The following FRK variants were observed in gnomAD, a reference collection of about 807,000 sequenced individuals.
FRK encodes the protein fyn related Src family tyrosine kinase.
A neutral mutation model predicts 56.4 loss-of-function variants in FRK; 51 were observed. The ratio of observed to expected loss-of-function variants is 0.90; its 90% CI spans 0.72 to 1.14. The LOEUF is 1.14. FRK is among the 50% of genes most tolerant of loss of function. The pLI, the probability that FRK is intolerant of heterozygous loss-of-function variation, is 0.00. For missense variants in FRK, 570 were observed against 601.4 expected (o/e 0.95, Z 0.55); for synonymous variants, 245 against 217.9 (o/e 1.12, Z -1.10).
the FRK span, among the ~76,000 whole-genome samples, chr6:116,097,596 G>T: frequency 6.6e-6 from 1 of 152,072 alleles, no homozygotes; most frequent in Non-Finnish European, 1.5e-5. Context: ...TCACACCTAA[G>T]GTTAAAATTG....
intron 1 of FRK, among the ~76,000 whole-genome samples, chr6:116,007,619 A>G (rs964286055): frequency 1.3e-5 from 2 of 152,220 alleles, no homozygotes; most frequent in African/African-American, 2.4e-5. Context: ...GAGCATTTTA[A>G]CAGTGTCTTA....
intron 2 of FRK, among the ~76,000 whole-genome samples, chr6:115,977,386 A>G (rs1458961936): frequency 6.6e-6 from 1 of 152,158 alleles, no homozygotes; most frequent in East Asian, 1.9e-4. Flanking sequence ...AACACAGCTG[A>G]TTCATTTTAT....
chr6:115,970,502 T>C (rs1015233838), intron 2 of FRK, among the ~76,000 whole-genome samples: 2 of 152,194 alleles, frequency 1.3e-5, no homozygotes, highest in African/African-American at 4.8e-5. Context: ...AGCTAAAAAA[T>C]TGTCATCTAG....
chr6:116,060,669 T>C lies in FRK; in HGVS notation c.-358A>G, dbSNP rs1777594837. ...TTTAGACAAATATCTGAGAACAGAA[T>C]GGTGCCATCTTGCCTTTTGTCCCAA... On this transcript the variant is annotated 5_prime_UTR_variant, in exon 1 of 8. Transcript: ENST00000606080. 1 of 182,206 alleles carries C rather than the reference T, an allele frequency of 5.5e-6. No individual in the cohort carries two copies. The highest frequency in any genetic ancestry group is 1.4e-4 in the South Asian group (1 of 7,256). The allele number at this position is 182,206 out of a possible 1,614,324, so 11.3% of individuals were successfully genotyped here. A position where few individuals can be genotyped will look rare whatever the true frequency, so the allele number is the denominator to read the frequency against.
At chr6:116,001,449 C>G (rs1031903302) in intron 2 of FRK, among the ~76,000 whole-genome samples, 2 of 152,074 alleles carry the variant, frequency 1.3e-5, no homozygotes, top group Admixed American at 6.5e-5. Flanking sequence ...GCTAACTGGT[C>G]CTAAATTTAA....
chr6:116,068,990 C>T, the FRK span, among the ~76,000 whole-genome samples: 1 of 152,132 alleles, frequency 6.6e-6, no homozygotes, highest in Non-Finnish European at 1.5e-5. Context: ...TCCAAAAAGA[C>T]TGAATATTCT....
chr6:116,094,990 G>GGTCT, the FRK span, among the ~76,000 whole-genome samples: 1 of 152,212 alleles, frequency 6.6e-6, no homozygotes, highest in African/African-American at 2.4e-5. Context: ...GATAATTGAA[G>GGTCT]GTCTTCTCTA....
intron 1 of FRK, among the ~76,000 whole-genome samples, chr6:116,057,710 C>G (rs1247148944): frequency 6.6e-6 from 1 of 151,962 alleles, no homozygotes; most frequent in East Asian, 1.9e-4. Flanking sequence ...TGCTGAGAAC[C>G]AATTCCAAGA....
intron 1 of FRK, chr6:116,038,985 A>C (rs1776604232): frequency 1.4e-6 from 1 of 713,836 alleles, no homozygotes; most frequent in African/African-American, 1.7e-5. Context: ...TACTTGGGAG[A>C]TCAGCCCTGG....
At chr6:116,093,155 A>C in the FRK span, among the ~76,000 whole-genome samples, 3 of 152,126 alleles carry the variant, frequency 2.0e-5, no homozygotes, top group Non-Finnish European at 4.4e-5. Flanking sequence ...GCTTACCCCC[A>C]TAGCCTAGCC....
intron 2 of FRK, among the ~76,000 whole-genome samples, chr6:115,994,713 C>T (rs191450327): frequency 2.6e-5 from 4 of 151,802 alleles, no homozygotes; most frequent in East Asian, 1.9e-4. Context: ...CTTTGGGAGG[C>T]GATTAAATTT....
intron 2 of FRK, among the ~76,000 whole-genome samples, chr6:115,975,436 T>C (rs773912930): frequency 3.2e-4 from 49 of 152,182 alleles, no homozygotes; most frequent in Non-Finnish European, 6.8e-4. Context: ...AAATACAGAA[T>C]ACGAACTGTT....
At chr6:116,062,539 T>G (rs1010520925), upstream of FRK, among the ~76,000 whole-genome samples, 2 of 151,748 alleles carry the variant, frequency 1.3e-5, no homozygotes, top group African/African-American at 4.8e-5. Flanking sequence ...AATTTGTAAG[T>G]GGGGTTTTAG....
At chr6:116,076,589 G>A in the FRK span, among the ~76,000 whole-genome samples, 10 of 152,186 alleles carry the variant, frequency 6.6e-5, no homozygotes, top group Non-Finnish European at 1.5e-4. Flanking sequence ...AATTGTTCCT[G>A]ATTGGTCAAT....
At chr6:116,065,799 T>C (rs984912578), upstream of FRK, among the ~76,000 whole-genome samples, 3 of 152,228 alleles carry the variant, frequency 2.0e-5, no homozygotes, top group Non-Finnish European at 2.9e-5. Context: ...TAACACTTAA[T>C]GGACACTCAA....
In FRK at chr6:115,957,340, G is replaced by GT. The variant is rs372825541; in HGVS notation, c.800-731dup. 8.9e-4 allele frequency among the ~76,000 whole-genome samples: 136 copies of GT among 152,272 alleles called. 2 individuals are homozygous for GT. The highest frequency in any genetic ancestry group is 3.4e-3 in the Middle Eastern group (1 of 294). Reference sequence around the variant, plus strand: ...GATCCACTCTGACTCATCATGCAAGGTGTCAAGTAGTTGACATCAAATAAA... The same window carrying GT: ...GATCCACTCTGACTCATCATGCAAGGTTGTCAAGTAGTTGACATCAAATAAA... On this transcript the variant is annotated intron_variant, in intron 4 of 7. Transcript: ENST00000606080.
intron 2 of FRK, among the ~76,000 whole-genome samples, chr6:115,969,388 A>G (rs1773715221): frequency 6.6e-6 from 1 of 152,142 alleles, no homozygotes. Flanking sequence ...TCCAAGGGTA[A>G]GTCCTGTAGG....
chr6:115,990,439 G>T (rs768298082), intron 2 of FRK, among the ~76,000 whole-genome samples: 9 of 151,736 alleles, frequency 5.9e-5, no homozygotes, highest in Admixed American at 5.3e-4. Context: ...AATCCATCTT[G>T]GGTTAATTTT....
intron 1 of FRK, among the ~76,000 whole-genome samples, chr6:116,056,595 T>C (rs1777408846): frequency 6.6e-6 from 1 of 152,242 alleles, no homozygotes; most frequent in South Asian, 2.1e-4. Flanking sequence ...CAATGAAATT[T>C]AAAGCCATTA....
Sources: gnomAD v4.1 joint callset for allele counts (sites outside exome capture counted in the v4.1 genomes callset) on GRCh38, gnomAD v4.1.1 for gene constraint, MANE v1.5 for transcripts, NCBI Gene and HGNC (gene_info 2026-07-23, HGNC 2026-07-21) for gene names.